GALK2: variants seen among roughly 807,000 people sequenced by gnomAD.
GALK2 encodes N-acetylgalactosamine kinase.
Under a neutral mutation model 52.4 loss-of-function variants are expected in GALK2, and 36 were observed. The observed-to-expected ratio is 0.69, with a 90% CI of 0.53 to 0.91. GALK2 has a LOEUF of 0.91. GALK2 is among the 40% of genes least tolerant of loss of function. GALK2 has a pLI of 0.00. For missense variants in GALK2, 579 were observed against 559.1 expected (o/e 1.04, Z -0.36); for synonymous variants, 176 against 199.1 (o/e 0.88, Z 0.98).
chr15:49,237,252 T>C (rs998946423), intron 4 of GALK2, among the ~76,000 whole-genome samples: 3 of 152,220 alleles, frequency 2.0e-5, no homozygotes, highest in Non-Finnish European at 4.4e-5. Context: ...CAATGAACTT[T>C]TGGCAGAAAG....
At chr15:49,217,088 A>G (rs2089439154) in intron 2 of GALK2, 102 bp from the exon 3 acceptor site, 2 of 960,316 alleles carry the variant, frequency 2.1e-6, no homozygotes, top group Non-Finnish European at 3.1e-6. Flanking sequence ...ATTTACTGTT[A>G]AAACCTGGCT....
chr15:49,294,140 CAAAT>C (rs10677248), intron 8 of GALK2, among the ~76,000 whole-genome samples: 57,388 of 139,698 alleles, frequency 0.41, 13,758 homozygotes, highest in Non-Finnish European at 0.53. Flanking sequence ...GACCCTGTCT[CAAAT>C]AAATAAATAA....
rs139124936 is a variant in GALK2 at position 49,362,028 on chromosome 15, G to A, written c.427-5463G>A. Among the ~76,000 whole-genome samples the A allele has an allele frequency of 2.0e-5, 3 of 152,220 alleles. No homozygotes were observed. In the East Asian group the frequency reaches 5.8e-4, roughly 29 times the overall value. ...TGAGCATTTTTTCATATGCTTGTGGGTTACGTGTATGTCTTCTTTTGAAAT... is the reference window on the plus strand; with the variant it reads ...TGAGCATTTTTTCATATGCTTGTGGATTACGTGTATGTCTTCTTTTGAAAT... On this transcript the variant is annotated intron_variant, in intron 3 of 3. Coordinates refer to the GALK2 transcript ENST00000558399.
chr15:49,269,540 A>G (rs1316134647), intron 5 of GALK2, among the ~76,000 whole-genome samples: 1 of 152,230 alleles, frequency 6.6e-6, no homozygotes, highest in Admixed American at 6.5e-5. Context: ...CTTTTGTTTC[A>G]GCATTTCTAC....
intron 2 of GALK2, among the ~76,000 whole-genome samples, chr15:49,208,850 A>G (rs892315590): frequency 6.6e-6 from 1 of 152,164 alleles, no homozygotes; most frequent in South Asian, 2.1e-4. Context: ...TTAGGTGCAT[A>G]TATCTTTAGG....
chr15:49,308,770 A>G (rs1333505834), intron 8 of GALK2, among the ~76,000 whole-genome samples: 2 of 152,224 alleles, frequency 1.3e-5, no homozygotes, highest in African/African-American at 4.8e-5. Context: ...ATTTGGAAGA[A>G]TAAACAGGTG....
chr15:49,292,500 A>G lies in GALK2; in HGVS notation c.930A>G (p.Glu310=). The stretch of plus-strand genomic sequence containing the variant: ...GGTGTCTGGGAATTAGCCTGGAGGA[A>G]CTCCGAACCCAAATCCTGAGTCCAA... ...ICRCLGISLE[E]LRTQILSPNT... Residue 310 remains glutamate, a synonymous_variant, in exon 8 of 10, where the codon GAA becomes GAG. Transcript: ENST00000560031. 1 of 1,613,986 alleles carries G rather than the reference A, an allele frequency of 6.2e-7. No homozygotes were observed. The highest frequency in any genetic ancestry group is 2.2e-5 in the East Asian group (1 of 44,870).
intron 3 of GALK2, among the ~76,000 whole-genome samples, chr15:49,356,399 C>A (rs1366382011): frequency 6.7e-6 from 1 of 149,794 alleles, no homozygotes. Flanking sequence ...ATCTACCAAG[C>A]CAATGGAAAA....
chr15:49,292,088 G>A lies in GALK2; in HGVS notation c.757-239G>A, dbSNP rs556834889. ...TGAGAGATTAGTTGTGTGTGTTTGC[G>A]TGTGTGTGTGTGTGTTTCAGGACAA... On this transcript the variant is annotated intron_variant, in intron 7 of 9. Coordinates refer to ENST00000560031, the MANE Select transcript of GALK2 (RefSeq NM_002044.4). Among the ~76,000 whole-genome samples the A allele has an allele frequency of 4.6e-5, 7 of 150,928 alleles. 1 individual carries two copies. In the East Asian group the frequency reaches 5.8e-4, roughly 13 times the overall value.
At position 49,201,126 on chromosome 15, in the gene GALK2, A is replaced by G. The variant is rs190655224; in HGVS notation, c.54-36A>G. Reference sequence around the variant, plus strand: ...TATGTTATGTTACGGATTTTCTGTTATATGATATTCTGAAATATTGTACTT... The same window carrying G: ...TATGTTATGTTACGGATTTTCTGTTGTATGATATTCTGAAATATTGTACTT... On this transcript the variant is annotated intron_variant, in intron 1 of 9. Coordinates refer to ENST00000560031, the MANE Select transcript of GALK2 (RefSeq NM_002044.4). The G allele has an allele frequency of 7.0e-4, 798 of 1,133,538 alleles. 7 individuals are homozygous for G. In the African/African-American group the frequency reaches 0.01, roughly 15 times the overall value. 70.2% of individuals were successfully genotyped at this position (1,133,538 alleles called of 1,614,324 possible).
At chr15:49,192,498 T>TATATAC (rs2086829835) in intron 1 of GALK2, among the ~76,000 whole-genome samples, 1 of 82,268 alleles carries the variant, frequency 1.2e-5, no homozygotes, top group Non-Finnish European at 2.6e-5. Flanking sequence ...TATATATATA[T>TATATAC]ATATATATAT....
At chr15:49,171,867 G>A (rs2085124268) in intron 1 of GALK2, among the ~76,000 whole-genome samples, 1 of 151,782 alleles carries the variant, frequency 6.6e-6, no homozygotes, top group South Asian at 2.1e-4. Context: ...CACCTCCCAG[G>A]TTCAATCCAT....
chr15:49,177,340 A>G lies in GALK2; in HGVS notation c.53+6965A>G, dbSNP rs182159480. Reference sequence around the variant, plus strand: ...CTTTTAAATAATTTATGTTAAACCTATTGTATCACACAGTATGTTTTAAAC... The same window carrying G: ...CTTTTAAATAATTTATGTTAAACCTGTTGTATCACACAGTATGTTTTAAAC... On this transcript the variant is annotated intron_variant, in intron 1 of 9. Coordinates refer to ENST00000560031, the MANE Select transcript of GALK2 (RefSeq NM_002044.4). 5.6e-3 allele frequency among the ~76,000 whole-genome samples: 833 copies of G among 149,956 alleles called. 7 individuals carry two copies. The highest frequency in any genetic ancestry group is 7.9e-3 in the Non-Finnish European group (531 of 67,172).
chr15:49,331,846 G>A lies in GALK2; in HGVS notation c.*3687G>A, dbSNP rs2038819312. 1 of 1,603,500 alleles carries A rather than the reference G, an allele frequency of 6.2e-7. No individual in the cohort carries two copies. Among genetic ancestry groups the A allele is most frequent in the African/African-American group, 1.3e-5 (1 of 74,684 alleles). On this transcript the variant is annotated 3_prime_UTR_variant, in exon 10 of 10. Transcript: ENST00000560031. ...GAGGTTTCTTGGTAGCCTTTGCTTG[G>A]AGTCTAATCATGGAATAAAGAAAAT...
chr15:49,235,721 C>T (rs1056831757), intron 3 of GALK2, 130 bp from the exon 4 acceptor site: 2 of 781,678 alleles, frequency 2.6e-6, no homozygotes, highest in Non-Finnish European at 4.7e-6. Context: ...GCTGTAGACA[C>T]ACAGTTTGAA....
At chr15:49,211,863 T>C (rs2088926251) in intron 2 of GALK2, among the ~76,000 whole-genome samples, 1 of 152,174 alleles carries the variant, frequency 6.6e-6, no homozygotes, top group East Asian at 1.9e-4. Flanking sequence ...CCCACCAGGC[T>C]TCACTTCCAG....
At chr15:49,243,973 C>T (rs2141528907) in intron 5 of GALK2, among the ~76,000 whole-genome samples, 1 of 151,836 alleles carries the variant, frequency 6.6e-6, no homozygotes, top group African/African-American at 2.4e-5. Context: ...AGAGAACAGA[C>T]TGGAAGAACT....
chr15:49,361,917 G>T (rs187998847), intron 3 of GALK2, among the ~76,000 whole-genome samples: 42 of 152,128 alleles, frequency 2.8e-4, no homozygotes, highest in African/African-American at 8.2e-4. Flanking sequence ...GTTATTTTTT[G>T]ACTTTTCCAT....
At chr15:49,241,524 A>G (rs2091093432) in intron 5 of GALK2, among the ~76,000 whole-genome samples, 1 of 152,214 alleles carries the variant, frequency 6.6e-6, no homozygotes, top group Non-Finnish European at 1.5e-5. Flanking sequence ...GGTTACCACA[A>G]GTTCTGAGAA....
Sources: gnomAD v4.1 joint callset for allele counts (sites outside exome capture counted in the v4.1 genomes callset) on GRCh38, gnomAD v4.1.1 for gene constraint, MANE v1.5 for transcripts, NCBI Gene and HGNC (gene_info 2026-07-23, HGNC 2026-07-21) for gene names.